The following DIAPH2 variants were observed in gnomAD, a reference collection of about 807,000 sequenced individuals.
DIAPH2 encodes the protein diaphanous related formin 2.
DIAPH2 carries 35 observed loss-of-function variants against 92.7 expected under a neutral mutation model. The observed-to-expected ratio is 0.38, with a 90% confidence interval of 0.29 to 0.50. DIAPH2 has a LOEUF of 0.50. DIAPH2 is among the 20% of genes least tolerant of loss of function. The pLI is 0.94. For missense variants in DIAPH2, 701 were observed against 819.5 expected, an observed-to-expected ratio of 0.86 and a Z score of 1.77; for synonymous variants, 301 against 280.4, an observed-to-expected ratio of 1.07 and a Z score of -0.73.
chrX:97,095,098 CTTTTTTTTTTTTTTTTT>C (rs61350837), intron 19 of DIAPH2, among the ~76,000 whole-genome samples: 62 of 22,405 alleles, frequency 2.8e-3, no homozygotes, highest in African/African-American at 6.3e-3. Flanking sequence ...GTTTCTTTTT[CTTTTTTTTTTTTTTTTT>C]TTTTTTTTTT....
chrX:97,111,314 A>G (rs975763524), intron 20 of DIAPH2, among the ~76,000 whole-genome samples: 6 of 112,092 alleles, frequency 5.4e-5, no homozygotes, highest in African/African-American at 1.9e-4. Context: ...ACAGTTTCTA[A>G]ATTCAGTCTC....
intron 23 of DIAPH2, among the ~76,000 whole-genome samples, chrX:97,271,813 G>A (rs868594576): frequency 3.3e-5 from 3 of 91,544 alleles, no homozygotes; most frequent in Admixed American, 1.3e-4. Context: ...ATATATATAT[G>A]CACACACACA....
At chrX:97,003,369 A>C (rs1449214184) in intron 17 of DIAPH2, among the ~76,000 whole-genome samples, 3 of 111,209 alleles carry the variant, frequency 2.7e-5, no homozygotes, top group Non-Finnish European at 5.7e-5. Flanking sequence ...TTTTTTAGGA[A>C]CCTTCAAACT....
At chrX:96,749,454 G>T (rs1367175629) in intron 3 of DIAPH2, among the ~76,000 whole-genome samples, 1 of 110,327 alleles carries the variant, frequency 9.1e-6, no homozygotes, top group Non-Finnish European at 1.9e-5. Flanking sequence ...TTGATATTTG[G>T]TTTAATTTCT....
At chrX:97,350,807 A>G (rs1472279788) in intron 24 of DIAPH2, among the ~76,000 whole-genome samples, 1 of 112,395 alleles carries the variant, frequency 8.9e-6, no homozygotes, top group East Asian at 2.8e-4. Flanking sequence ...ATACATATGT[A>G]GGATATGTTT....
chrX:97,465,674 A>ACC (rs1436255412), intron 26 of DIAPH2, among the ~76,000 whole-genome samples: 1 of 111,334 alleles, frequency 9.0e-6, no homozygotes, highest in Non-Finnish European at 1.9e-5. Flanking sequence ...TTGTTACCAA[A>ACC]CCAACCGGAA....
At chrX:96,743,339 A>C (rs1309922206) in intron 3 of DIAPH2, among the ~76,000 whole-genome samples, 1 of 101,038 alleles carries the variant, frequency 9.9e-6, no homozygotes, top group Admixed American at 1.0e-4. Context: ...AATCCTGTTT[A>C]TATCTAGTAG....
Position 97,566,761 on chromosome X carries a change from C to T in DIAPH2, c.3242-32492C>T, listed in dbSNP as rs151031954. Reference sequence around the variant, plus strand: ...ATATATGTATTGTGATGGCTAAGCACTAAGTGAGGTGTTGGAGAAGCTGTA... The same window carrying T: ...ATATATGTATTGTGATGGCTAAGCATTAAGTGAGGTGTTGGAGAAGCTGTA... On this transcript the variant is annotated intron_variant, in intron 26 of 26. Coordinates refer to ENST00000324765, the MANE Select transcript of DIAPH2 (RefSeq NM_006729.5). Among the ~76,000 whole-genome samples the T allele has an allele frequency of 5.9e-4, 66 of 111,117 alleles. 1 individual carries two copies. In the East Asian group the frequency reaches 0.018, roughly 31 times the overall value.
At chrX:97,462,846 T>TA (rs1176874665) in intron 26 of DIAPH2, among the ~76,000 whole-genome samples, 89 of 102,138 alleles carry the variant, frequency 8.7e-4, no homozygotes, top group African/African-American at 1.8e-3. Context: ...TGAGAACACT[T>TA]AAAAAAAAAA....
rs773390317 is a variant in DIAPH2, at chrX:97,300,772, A to T, written c.2845-47344A>T. Among the ~76,000 whole-genome samples, 5 of 92,294 alleles carry T rather than the reference A, an allele frequency of 5.4e-5. No individual in the cohort carries two copies. In the South Asian group the frequency reaches 1.8e-3, roughly 33 times the overall value. The allele number at this position is 92,294 out of a possible 115,157, so 80.1% of individuals were successfully genotyped here. A position where few individuals can be genotyped will look rare whatever the true frequency, so the allele number is the denominator to read the frequency against. The stretch of plus-strand genomic sequence containing the variant: ...ACGGTGAAACCCCGTCTCTACTAAA[A>T]ATACAAAAAATTAGCCGGGCATGGT... On this transcript the variant is annotated intron_variant, in intron 23 of 26. Transcript: ENST00000324765.
At chrX:96,933,299 T>A (rs1472206143) in intron 10 of DIAPH2, among the ~76,000 whole-genome samples, 1 of 109,720 alleles carries the variant, frequency 9.1e-6, no homozygotes, top group African/African-American at 3.3e-5. Context: ...TTTTTTTCTC[T>A]TTTTCATTTT....
At chrX:96,746,088 A>G (rs1331498835) in intron 3 of DIAPH2, among the ~76,000 whole-genome samples, 3 of 109,988 alleles carry the variant, frequency 2.7e-5, no homozygotes, top group African/African-American at 1.0e-4. Flanking sequence ...TTTTGTGGAG[A>G]TGAGGTTTTG....
intron 23 of DIAPH2, among the ~76,000 whole-genome samples, chrX:97,249,770 A>G (rs918613722): frequency 1.8e-5 from 2 of 111,866 alleles, no homozygotes; most frequent in South Asian, 3.7e-4. Context: ...TAAAAGAGAA[A>G]GATATTTTAT....
chrX:96,886,572 A>G (rs189209187), intron 5 of DIAPH2, among the ~76,000 whole-genome samples: 2 of 111,561 alleles, frequency 1.8e-5, no homozygotes, highest in African/African-American at 6.5e-5. Flanking sequence ...AAAAGCACAG[A>G]TGAATAACAT....
chrX:97,107,045 T>G (rs1249017419), intron 20 of DIAPH2, among the ~76,000 whole-genome samples: 1 of 112,656 alleles, frequency 8.9e-6, no homozygotes, highest in African/African-American at 3.2e-5. Context: ...TAGTGCCTTT[T>G]GGGACACACA....
intron 26 of DIAPH2, among the ~76,000 whole-genome samples, chrX:97,523,356 T>C (rs2071003825): frequency 9.0e-6 from 1 of 111,603 alleles, no homozygotes; most frequent in Non-Finnish European, 1.9e-5. Context: ...TTTGAAAGAA[T>C]TCTAACTAAC....
intron 26 of DIAPH2, among the ~76,000 whole-genome samples, chrX:97,581,202 C>T (rs2071439833): frequency 1.8e-5 from 1 of 54,283 alleles, no homozygotes; most frequent in African/African-American, 5.8e-5. Flanking sequence ...TATTTCTTGC[C>T]TTCTGCTAGC....
At chrX:96,881,274 A>C (rs2065211199) in intron 4 of DIAPH2, among the ~76,000 whole-genome samples, 1 of 111,492 alleles carries the variant, frequency 9.0e-6, no homozygotes, top group Non-Finnish European at 1.9e-5. Flanking sequence ...AGGACTAGCT[A>C]ATATTAATTC....
chrX:96,828,200 A>G (rs1289754641), intron 4 of DIAPH2, among the ~76,000 whole-genome samples: 1 of 112,172 alleles, frequency 8.9e-6, no homozygotes, highest in Non-Finnish European at 1.9e-5. Context: ...AGGTCAGTGT[A>G]TATGGACCCA....
Sources: allele counts gnomAD v4.1 joint callset (sites outside exome capture counted in the v4.1 genomes callset), GRCh38; gene constraint gnomAD v4.1.1; transcripts MANE v1.5; gene names NCBI Gene and HGNC (gene_info 2026-07-23, HGNC 2026-07-21).